The following BRD10 variants were observed in gnomAD, a reference collection of about 807,000 sequenced individuals.
BRD10 encodes bromodomain containing 10.
the BRD10 span, chr9:5,923,018 G>A: frequency 3.2e-5 from 51 of 1,613,836 alleles, no homozygotes; most frequent in Non-Finnish European, 4.1e-5. Flanking sequence ...CACTGGTACT[G>A]AATCCAATGA....
chr9:6,003,981 G>C, the BRD10 span, among the ~76,000 whole-genome samples: 1 of 152,216 alleles, frequency 6.6e-6, no homozygotes, highest in African/African-American at 2.4e-5. Flanking sequence ...GCATACAGAA[G>C]TATTTGTAGT....
chr9:5,929,551 G>T, the BRD10 span, among the ~76,000 whole-genome samples: 1 of 152,058 alleles, frequency 6.6e-6, no homozygotes, highest in Non-Finnish European at 1.5e-5. Context: ...TGGGGAAAAG[G>T]GAGAAAAGGT....
chr9:5,999,747 T>C, the BRD10 span, among the ~76,000 whole-genome samples: 1 of 152,188 alleles, frequency 6.6e-6, no homozygotes, highest in African/African-American at 2.4e-5. Flanking sequence ...GGTGTTCTTA[T>C]TGCCTGAATA....
chr9:5,899,152 A>G, the BRD10 span: 1 of 152,168 alleles, frequency 6.6e-6, no homozygotes, highest in Admixed American at 6.5e-5. Flanking sequence ...TACAGATCTG[A>G]AAGCTTTTCA....
the BRD10 span, among the ~76,000 whole-genome samples, chr9:5,965,607 G>C: frequency 5.3e-5 from 8 of 152,156 alleles, no homozygotes; most frequent in Non-Finnish European, 1.2e-4. Flanking sequence ...CCCCACTGGG[G>C]ATGACTTAAA....
the BRD10 span, among the ~76,000 whole-genome samples, chr9:5,996,740 A>C: frequency 6.6e-6 from 1 of 152,336 alleles, no homozygotes; most frequent in African/African-American, 2.4e-5. Flanking sequence ...ACAGACAAAC[A>C]GTATTTGAAA....
At chr9:5,960,562 CAA>C in the BRD10 span, among the ~76,000 whole-genome samples, 125 of 122,332 alleles carry the variant, frequency 1.0e-3, no homozygotes, top group Non-Finnish European at 1.1e-3. Context: ...GACTCTGTCT[CAA>C]AAAAAAAAAA....
At chr9:5,934,241 T>C in the BRD10 span, among the ~76,000 whole-genome samples, 6 of 152,198 alleles carry the variant, frequency 3.9e-5, no homozygotes, top group African/African-American at 1.4e-4. Context: ...TTTACAAATA[T>C]GTTGTTAGAT....
chr9:5,963,702 C>T, the BRD10 span, among the ~76,000 whole-genome samples: 1 of 152,096 alleles, frequency 6.6e-6, no homozygotes, highest in Non-Finnish European at 1.5e-5. Flanking sequence ...GGTACCAAAA[C>T]AGAGATATAG....
chr9:5,924,831 T>A, the BRD10 span: 1 of 1,503,280 alleles, frequency 6.7e-7, no homozygotes, highest in South Asian at 1.4e-5. Flanking sequence ...ATCATAGTCT[T>A]TCTTCAGGCG....
the BRD10 span, among the ~76,000 whole-genome samples, chr9:5,879,426 T>C: frequency 1.3e-5 from 2 of 152,060 alleles, no homozygotes; most frequent in African/African-American, 4.8e-5. Context: ...CAAAGCCTGA[T>C]GGGAGTTGCA....
chr9:6,006,402 C>A, the BRD10 span, among the ~76,000 whole-genome samples: 1 of 152,154 alleles, frequency 6.6e-6, no homozygotes, highest in Non-Finnish European at 1.5e-5. Context: ...TTTTCCACTC[C>A]CGAAAAATTT....
the BRD10 span, among the ~76,000 whole-genome samples, chr9:5,916,218 G>C: frequency 6.6e-6 from 1 of 152,132 alleles, no homozygotes; most frequent in Admixed American, 6.5e-5. Flanking sequence ...TCATTTCTAA[G>C]TTTTAGTAAC....
chr9:5,883,283 C>A, the BRD10 span, among the ~76,000 whole-genome samples: 2 of 152,188 alleles, frequency 1.3e-5, no homozygotes, highest in South Asian at 2.1e-4. Flanking sequence ...TTTTGGAGAA[C>A]CTCTCTCTGT....
chr9:5,917,630 T>A, the BRD10 span, among the ~76,000 whole-genome samples: 1 of 152,180 alleles, frequency 6.6e-6, no homozygotes, highest in African/African-American at 2.4e-5. Flanking sequence ...GGTGGGCGGA[T>A]CACCTGAGGT....
At chr9:5,909,203 A>C in the BRD10 span, 1 of 153,780 alleles carries the variant, frequency 6.5e-6, no homozygotes, top group Non-Finnish European at 1.4e-5. Context: ...CATGTCAGCA[A>C]TGTCTCTTTG....
chr9:5,961,667 A>G, the BRD10 span, among the ~76,000 whole-genome samples: 1 of 152,196 alleles, frequency 6.6e-6, no homozygotes, highest in Non-Finnish European at 1.5e-5. Context: ...AATGGACATT[A>G]TATTGTTTCC....
At chr9:5,979,429 C>A in the BRD10 span, among the ~76,000 whole-genome samples, 22 of 152,004 alleles carry the variant, frequency 1.4e-4, no homozygotes, top group South Asian at 2.1e-4. Flanking sequence ...GGGAGGATAA[C>A]TTGAGCCTGG....
At chr9:5,997,754 T>C in the BRD10 span, among the ~76,000 whole-genome samples, 61 of 152,336 alleles carry the variant, frequency 4.0e-4, no homozygotes, top group Non-Finnish European at 6.3e-4. Flanking sequence ...GATCCATCCA[T>C]CCATTCATTC....
Sources: gnomAD v4.1 joint callset for allele counts (sites outside exome capture counted in the v4.1 genomes callset) on GRCh38, gnomAD v4.1.1 for gene constraint, MANE v1.5 for transcripts, NCBI Gene and HGNC (gene_info 2026-07-23, HGNC 2026-07-21) for gene names.